The following ZBTB20 variants were observed in gnomAD, a reference collection of about 807,000 sequenced individuals.
ZBTB20 encodes zinc finger and BTB domain-containing protein 20.
ZBTB20 carries 9 observed loss-of-function variants against 56.9 expected under a neutral mutation model. The observed-to-expected ratio is 0.16, with a 90% CI of 0.10 to 0.28. The LOEUF (loss-of-function observed/expected upper bound fraction) is 0.28. Ranked by LOEUF, ZBTB20 falls within the 10% of genes least tolerant of loss-of-function variation. The pLI is 1.00. For missense variants in ZBTB20, 655 were observed against 1,003.0 expected (o/e 0.65, Z 4.69); for synonymous variants, 417 against 420.7 (o/e 0.99, Z 0.11).
At chr3:115,028,974 C>G (rs956946898) in intron 2 of ZBTB20, among the ~76,000 whole-genome samples, 4 of 150,410 alleles carry the variant, frequency 2.7e-5, no homozygotes, top group African/African-American at 9.7e-5. Context: ...TACCACCTAA[C>G]ATGAACTATA....
chr3:114,524,167 A>G (rs1347868098), intron 6 of ZBTB20, among the ~76,000 whole-genome samples: 1 of 152,192 alleles, frequency 6.6e-6, no homozygotes, highest in Non-Finnish European at 1.5e-5. Flanking sequence ...CTATGGGTAA[A>G]ATCAATGAAT....
intron 4 of ZBTB20, among the ~76,000 whole-genome samples, chr3:114,833,608 CAGTCT>C (rs2073967122): frequency 6.6e-6 from 1 of 151,848 alleles, no homozygotes; most frequent in African/African-American, 2.4e-5. Flanking sequence ...TGGTACACTA[CAGTCT>C]CTACCTCCTG....
chr3:114,404,017 A>G (rs1017285124), intron 7 of ZBTB20, among the ~76,000 whole-genome samples: 23 of 152,300 alleles, frequency 1.5e-4, no homozygotes, highest in Admixed American at 3.9e-4. Context: ...ATGAAAGAGT[A>G]ATTCCTCTTT....
chr3:114,886,527 T>C (rs1167859122), intron 4 of ZBTB20, among the ~76,000 whole-genome samples: 1 of 152,226 alleles, frequency 6.6e-6, no homozygotes, highest in African/African-American at 2.4e-5. Context: ...AACTCTTGAT[T>C]TACTTAGGTC....
intron 2 of ZBTB20, among the ~76,000 whole-genome samples, chr3:114,987,287 G>A (rs538247676): frequency 9.2e-5 from 14 of 152,220 alleles, no homozygotes; most frequent in African/African-American, 3.4e-4. Context: ...TTGTCTCTAT[G>A]AAACAAGAAT....
chr3:114,997,902 GAGA>G (rs56663616), intron 2 of ZBTB20, among the ~76,000 whole-genome samples: 13,749 of 151,614 alleles, frequency 0.091, 1,804 homozygotes, highest in African/African-American at 0.29. Context: ...GTCTGCTGGG[GAGA>G]AGAAGGAGCA....
chr3:114,554,671 C>T (rs1378217464), intron 6 of ZBTB20, among the ~76,000 whole-genome samples: 1 of 152,126 alleles, frequency 6.6e-6, no homozygotes, highest in African/African-American at 2.4e-5. Context: ...TGATCTTTGG[C>T]TCTGCAGTTT....
At chr3:114,917,552 T>G (rs2075792225) in intron 3 of ZBTB20, among the ~76,000 whole-genome samples, 2 of 152,296 alleles carry the variant, frequency 1.3e-5, no homozygotes, top group Non-Finnish European at 2.9e-5. Flanking sequence ...TGTGACTAAA[T>G]TTTTGGTCAA....
rs569510077 is a variant in ZBTB20 at position 114,469,630 on chromosome 3, G to GAACA, written c.-255+30718_-255+30721dup. ...ACAGATTTTGGTTTTTAAATCTGTA[G>GAACA]AACACAATGTTTCCCTGGGCTGAGT... On this transcript the variant is annotated intron_variant, in intron 7 of 11. Coordinates refer to ENST00000675478, the MANE Select transcript of ZBTB20 (RefSeq NM_001348800.3). 4.1e-3 allele frequency among the ~76,000 whole-genome samples: 623 copies of GAACA among 152,296 alleles called. 4 individuals carry two copies. The highest frequency in any genetic ancestry group is 0.013 in the African/African-American group (543 of 41,560).
chr3:114,777,896 C>T (rs2069728616), intron 5 of ZBTB20, among the ~76,000 whole-genome samples: 1 of 151,768 alleles, frequency 6.6e-6, no homozygotes, highest in African/African-American at 2.4e-5. Flanking sequence ...ACATATACAC[C>T]ATGGAATACT....
chr3:114,402,489 T>C (rs2086909131), intron 7 of ZBTB20, among the ~76,000 whole-genome samples: 1 of 152,152 alleles, frequency 6.6e-6, no homozygotes, highest in Non-Finnish European at 1.5e-5. Flanking sequence ...CCTACTACTG[T>C]TCTCTAATGG....
chr3:115,006,462 T>G (rs929139101), intron 2 of ZBTB20, among the ~76,000 whole-genome samples: 5 of 147,428 alleles, frequency 3.4e-5, no homozygotes, highest in Non-Finnish European at 6.0e-5. Context: ...TCCAGTTGGA[T>G]ATATATATAT....
At chr3:114,870,926 T>C (rs938220433) in intron 4 of ZBTB20, among the ~76,000 whole-genome samples, 1 of 152,114 alleles carries the variant, frequency 6.6e-6, no homozygotes, top group Non-Finnish European at 1.5e-5. Context: ...AGTGAAATTT[T>C]GTCACTTTTG....
At chr3:115,093,301 G>A (rs1576761069) in intron 1 of ZBTB20, among the ~76,000 whole-genome samples, 1 of 152,070 alleles carries the variant, frequency 6.6e-6, no homozygotes, top group African/African-American at 2.4e-5. Context: ...TGAAACTACT[G>A]TGTATAGGCC....
intron 6 of ZBTB20, among the ~76,000 whole-genome samples, chr3:114,514,202 G>C (rs2045724714): frequency 6.6e-6 from 1 of 152,092 alleles, no homozygotes. Context: ...TATTTGCAAA[G>C]GAAAGAGGAC....
intron 5 of ZBTB20, among the ~76,000 whole-genome samples, chr3:114,700,622 C>A (rs140616541): frequency 1.3e-5 from 2 of 152,050 alleles, no homozygotes; most frequent in Non-Finnish European, 2.9e-5. Flanking sequence ...AGACTGATTA[C>A]GGCACAGCAG....
At chr3:115,075,782 C>T (rs2082573869) in intron 1 of ZBTB20, among the ~76,000 whole-genome samples, 1 of 151,416 alleles carries the variant, frequency 6.6e-6, no homozygotes, top group African/African-American at 2.4e-5. Flanking sequence ...TTACCCAGGG[C>T]AATTAGGAAA....
intron 1 of ZBTB20, among the ~76,000 whole-genome samples, chr3:115,075,474 C>T (rs1391626670): frequency 6.6e-6 from 1 of 152,116 alleles, no homozygotes. Context: ...TTTTTAAAGA[C>T]TGAATAATAT....
chr3:114,607,907 C>T (rs893478132), intron 6 of ZBTB20, among the ~76,000 whole-genome samples: 3 of 152,264 alleles, frequency 2.0e-5, no homozygotes, highest in Admixed American at 1.3e-4. Flanking sequence ...ATTTAACATT[C>T]GTAACAATGT....
Sources: gnomAD v4.1 joint callset for allele counts (sites outside exome capture counted in the v4.1 genomes callset) on GRCh38, gnomAD v4.1.1 for gene constraint, MANE v1.5 for transcripts, NCBI Gene and HGNC (gene_info 2026-07-23, HGNC 2026-07-21) for gene names.